TUB: variants seen among roughly 807,000 people sequenced by gnomAD.
The protein encoded by TUB is tubby protein homolog.
A neutral mutation model predicts 59.7 loss-of-function variants in TUB; 33 were observed. The ratio of observed to expected loss-of-function variants is 0.55; its 90% CI spans 0.42 to 0.74. TUB has a LOEUF of 0.74. TUB is among the 30% of genes least tolerant of loss of function. The pLI is 0.00. For synonymous variants in TUB, 293 were observed against 256.4 expected (o/e 1.14, Z -1.36); for missense variants, 659 against 672.0 (o/e 0.98, Z 0.21).
chr11:8,020,895 G>A (rs957410099), intron 1 of TUB, among the ~76,000 whole-genome samples: 2 of 152,166 alleles, frequency 1.3e-5, no homozygotes, highest in African/African-American at 2.4e-5. Flanking sequence ...CTGGGCCCTG[G>A]AAATAAGGCG....
intron 1 of TUB, among the ~76,000 whole-genome samples, chr11:8,033,603 C>T (rs1163730771): frequency 6.6e-6 from 1 of 152,212 alleles, no homozygotes; most frequent in Non-Finnish European, 1.5e-5. Flanking sequence ...TATACTCCTC[C>T]CCACCAGGCA....
intron 2 of TUB, among the ~76,000 whole-genome samples, chr11:8,040,397 AGTCT>A (rs761841560): frequency 3.8e-4 from 58 of 152,280 alleles, no homozygotes; most frequent in Non-Finnish European, 4.9e-4. Flanking sequence ...ACACCTGGGA[AGTCT>A]GTCTGTCCTT....
chr11:8,062,844 A>G (rs368733624), intron 2 of TUB, among the ~76,000 whole-genome samples: 1 of 152,138 alleles, frequency 6.6e-6, no homozygotes, highest in African/African-American at 2.4e-5. Context: ...CGGGGCCAGG[A>G]AGCCCAGGCT....
chr11:8,025,584 C>A (rs1396265438), intron 1 of TUB, among the ~76,000 whole-genome samples: 2 of 152,152 alleles, frequency 1.3e-5, no homozygotes, highest in Non-Finnish European at 2.9e-5. Context: ...TCAGTATGAA[C>A]CTTTTATTGT....
chr11:8,050,021 C>A (rs1942909014), intron 2 of TUB, among the ~76,000 whole-genome samples: 1 of 152,116 alleles, frequency 6.6e-6, no homozygotes, highest in Non-Finnish European at 1.5e-5. Flanking sequence ...AAGTAGTGAT[C>A]CCGACTTTTA....
At chr11:8,028,844 C>T (rs1942533714) in intron 1 of TUB, among the ~76,000 whole-genome samples, 2 of 151,996 alleles carry the variant, frequency 1.3e-5, no homozygotes, top group African/African-American at 4.8e-5. Flanking sequence ...ACCCTGTCTC[C>T]ATAAAATTTA....
chr11:8,098,744 T>C lies in TUB; in HGVS notation c.999-14T>C, dbSNP rs1589987346. On this transcript the variant is annotated splice_polypyrimidine_tract_variant and intron_variant, in intron 8 of 11. Transcript: ENST00000299506. ...AGGGTGCATGACTCTATACTGATTG[T>C]GCCTTTATTTCAGGTCCAACTTGAT... 6.3e-7 allele frequency: 1 copy of C among 1,594,368 alleles called. No individual in the cohort carries two copies. Among genetic ancestry groups the C allele is most frequent in the Non-Finnish European group, 8.6e-7 (1 of 1,162,296 alleles).
Position 8,094,027 on chromosome 11 carries a change from G to T in TUB, c.254-19G>T. On this transcript the variant is annotated intron_variant, in intron 3 of 11. Coordinates refer to ENST00000299506, the MANE Select transcript of TUB (RefSeq NM_177972.3). ...ACTGCCTGTTTCTCTCTCTCCATCT[G>T]GGGATGTTTCCTGAGCAGTTCAAGA... 6.2e-7 allele frequency: 1 copy of T among 1,614,112 alleles called. No homozygotes were observed. Among genetic ancestry groups the T allele is most frequent in the Non-Finnish European group, 8.5e-7 (1 of 1,180,034 alleles).
At chr11:8,092,033 A>G (rs1943792775) in intron 3 of TUB, among the ~76,000 whole-genome samples, 1 of 152,256 alleles carries the variant, frequency 6.6e-6, no homozygotes, top group Admixed American at 6.5e-5. Flanking sequence ...GTGAGAGGTC[A>G]TTGACGTGCA....
At chr11:8,038,455 C>T (rs751386449), upstream of TUB, 19 of 257,144 alleles carry the variant, frequency 7.4e-5, no homozygotes, top group Admixed American at 1.8e-4. Context: ...CAGAGCTGGC[C>T]GCAGAGAGGG....
intron 2 of TUB, among the ~76,000 whole-genome samples, chr11:8,046,705 CT>C (rs143418885): frequency 0.16 from 24,178 of 152,072 alleles, 2,072 homozygotes; most frequent in African/African-American, 0.2. Context: ...TGCCTCCAGC[CT>C]ATCTTACTCC....
chr11:8,026,204 C>T (rs1364890709), intron 1 of TUB, among the ~76,000 whole-genome samples: 1 of 152,084 alleles, frequency 6.6e-6, no homozygotes, highest in Non-Finnish European at 1.5e-5. Flanking sequence ...GTGGATGCAT[C>T]TCCTTTATCA....
chr11:8,073,054 A>G (rs1943387249), intron 2 of TUB, among the ~76,000 whole-genome samples: 1 of 152,218 alleles, frequency 6.6e-6, no homozygotes, highest in African/African-American at 2.4e-5. Context: ...GTCACACAGC[A>G]CATTAGCAAC....
chr11:8,061,670 C>T (rs141079588), intron 2 of TUB, among the ~76,000 whole-genome samples: 20 of 152,220 alleles, frequency 1.3e-4, no homozygotes, highest in African/African-American at 3.9e-4. Context: ...CCTGCATACA[C>T]TGGACCCTCC....
chr11:8,074,996 CAG>C (rs1374291065), intron 2 of TUB, among the ~76,000 whole-genome samples: 15 of 152,164 alleles, frequency 9.9e-5, no homozygotes, highest in Admixed American at 8.5e-4. Flanking sequence ...CCACCCACCT[CAG>C]CCTCCCAAAG....
intron 2 of TUB, among the ~76,000 whole-genome samples, chr11:8,070,386 C>G (rs1943339028): frequency 6.6e-6 from 1 of 152,138 alleles, no homozygotes; most frequent in Non-Finnish European, 1.5e-5. Context: ...TAGTCTTGTA[C>G]CACTGTAAAT....
chr11:8,037,832 A>G (rs1433960023), upstream of TUB, among the ~76,000 whole-genome samples: 2 of 152,124 alleles, frequency 1.3e-5, no homozygotes, highest in Non-Finnish European at 2.9e-5. Flanking sequence ...GGCTGGGAGG[A>G]CATGATCTTA....
At chr11:8,062,042 G>A (rs542129655) in intron 2 of TUB, 1 of 152,846 alleles carries the variant, frequency 6.5e-6, no homozygotes, top group East Asian at 1.9e-4. Flanking sequence ...GGTGGGGCAG[G>A]GTGACGACTC....
intron 1 of TUB, among the ~76,000 whole-genome samples, chr11:8,026,834 T>C (rs1319435619): frequency 6.6e-6 from 1 of 152,232 alleles, no homozygotes; most frequent in African/African-American, 2.4e-5. Flanking sequence ...GTTGACTTTA[T>C]AGATCAATTT....
Sources: gnomAD v4.1 joint callset for allele counts (sites outside exome capture counted in the v4.1 genomes callset) on GRCh38, gnomAD v4.1.1 for gene constraint, MANE v1.5 for transcripts, NCBI Gene and HGNC (gene_info 2026-07-23, HGNC 2026-07-21) for gene names.